STIMATE: variants seen among roughly 807,000 people sequenced by gnomAD.
STIMATE encodes the protein store-operated calcium entry regulator STIMATE.
STIMATE carries 15 observed loss-of-function variants against 36.7 expected under a neutral mutation model. The observed-to-expected ratio is 0.41, with a 90% confidence interval of 0.27 to 0.63. The LOEUF (loss-of-function observed/expected upper bound fraction) is 0.63. Among genes scored for constraint, STIMATE ranks in the 20% least tolerant of loss-of-function variants. The probability of loss-of-function intolerance (pLI) is 0.32; values close to 1 mark genes in which losing one functional copy is unlikely to be tolerated. For missense variants in STIMATE, 305 were observed against 397.3 expected (o/e 0.77, Z 1.98); for synonymous variants, 163 against 162.3 (o/e 1.00, Z -0.03).
intron 3 of STIMATE, among the ~76,000 whole-genome samples, chr3:52,852,011 A>C (rs571815652): frequency 4.8e-4 from 73 of 152,356 alleles, no homozygotes; most frequent in African/African-American, 1.6e-3. Flanking sequence ...GGGAGGCAGA[A>C]GATGGGGCCA....
At chr3:52,859,361 A>G (rs1197477182) in intron 1 of STIMATE, among the ~76,000 whole-genome samples, 2 of 149,660 alleles carry the variant, frequency 1.3e-5, no homozygotes, top group East Asian at 3.9e-4. Flanking sequence ...AGAAGAATAC[A>G]TAAGTGACTA....
In STIMATE at chr3:52,849,967, C is replaced by T. The variant is rs561530614; in HGVS notation, c.306-54G>A. 2.9e-4 allele frequency: 455 copies of T among 1,579,268 alleles called. 18 individuals carry two copies. The South Asian group carries it at 4.9e-3, about 17-fold the overall frequency. On this transcript the variant is annotated intron_variant, in intron 3 of 7. Coordinates refer to ENST00000355083, the MANE Select transcript of STIMATE (RefSeq NM_198563.5). Reference sequence around the variant, plus strand: ...CGGCAGAAGCCACGGGGCCAGAGGTCATGGCTGATGCAGGGTGGCCTGAGG... The same window carrying T: ...CGGCAGAAGCCACGGGGCCAGAGGTTATGGCTGATGCAGGGTGGCCTGAGG...
At chr3:52,843,111 G>T in intron 6 of STIMATE, 151 bp from the exon 7 acceptor site, 2 of 1,361,700 alleles carry the variant, frequency 1.5e-6, no homozygotes, top group Non-Finnish European at 2.0e-6. Flanking sequence ...CTCTCCCAAA[G>T]CTTAGAAAGA....
chr3:52,887,201 G>GAACA (rs540905112), intron 1 of STIMATE, among the ~76,000 whole-genome samples: 153 of 152,338 alleles, frequency 1.0e-3, no homozygotes, highest in South Asian at 5.2e-3. Flanking sequence ...TTACATAAAA[G>GAACA]AACACCTGTG....
At chr3:52,858,066 G>A (rs1701140184) in intron 1 of STIMATE, among the ~76,000 whole-genome samples, 1 of 152,150 alleles carries the variant, frequency 6.6e-6, no homozygotes, top group Non-Finnish European at 1.5e-5. Flanking sequence ...GGCCTTGGAG[G>A]AAATCCAACC....
chr3:52,894,139 C>T (rs1416299128), intron 1 of STIMATE, among the ~76,000 whole-genome samples: 3 of 152,324 alleles, frequency 2.0e-5, no homozygotes, highest in Non-Finnish European at 2.9e-5. Flanking sequence ...TCGTTTAAAG[C>T]GTTTCTTTCT....
intron 1 of STIMATE, among the ~76,000 whole-genome samples, chr3:52,871,802 T>C (rs573658148): frequency 6.6e-6 from 1 of 152,232 alleles, no homozygotes; most frequent in South Asian, 2.1e-4. Flanking sequence ...ATTTACTTCA[T>C]GTAAACAATA....
chr3:52,891,548 T>C (rs1701782710), intron 1 of STIMATE, among the ~76,000 whole-genome samples: 1 of 152,218 alleles, frequency 6.6e-6, no homozygotes, highest in Admixed American at 6.5e-5. Context: ...ATGAGGGCCC[T>C]GCCGGTAAAA....
At chr3:52,897,116 C>A (rs991790942) in intron 1 of STIMATE, among the ~76,000 whole-genome samples, 175 bp downstream of exon 1, 3 of 152,120 alleles carry the variant, frequency 2.0e-5, no homozygotes, top group Non-Finnish European at 4.4e-5. Context: ...GAGGCCACAG[C>A]GAGTAGGTGA....
At chr3:52,865,900 G>A (rs1221967931) in intron 1 of STIMATE, among the ~76,000 whole-genome samples, 1 of 148,288 alleles carries the variant, frequency 6.7e-6, no homozygotes, top group African/African-American at 2.5e-5. Flanking sequence ...GTGTGTGTAG[G>A]GGCGGTGGGG....
chr3:52,870,193 G>A (rs1233759384), intron 1 of STIMATE, among the ~76,000 whole-genome samples: 1 of 152,138 alleles, frequency 6.6e-6, no homozygotes, highest in Admixed American at 6.5e-5. Context: ...CCTGACCTCA[G>A]GTGATCCACC....
At chr3:52,853,236 G>A (rs144187260) in intron 2 of STIMATE, among the ~76,000 whole-genome samples, 8 of 152,272 alleles carry the variant, frequency 5.3e-5, no homozygotes, top group East Asian at 1.9e-4. Context: ...CAGCCCTGCC[G>A]CTAGAGAATG....
At chr3:52,855,531 A>G (rs1701077855) in intron 1 of STIMATE, 87 bp from the exon 2 acceptor site, 1 of 1,581,774 alleles carries the variant, frequency 6.3e-7, no homozygotes, top group East Asian at 2.3e-5. Flanking sequence ...CAGTCTACTC[A>G]CTGTGTGTAT....
At chr3:52,875,666 G>A (rs1024617963) in intron 1 of STIMATE, among the ~76,000 whole-genome samples, 3 of 152,206 alleles carry the variant, frequency 2.0e-5, no homozygotes, top group Admixed American at 6.5e-5. Context: ...AGGTCCACCT[G>A]TCAAGAGTTA....
intron 1 of STIMATE, among the ~76,000 whole-genome samples, chr3:52,879,237 G>A (rs1701561916): frequency 1.3e-5 from 2 of 152,146 alleles, no homozygotes; most frequent in Non-Finnish European, 2.9e-5. Flanking sequence ...AAACAACAGA[G>A]CTCATGTCCT....
intron 1 of STIMATE, among the ~76,000 whole-genome samples, chr3:52,889,198 G>A (rs1186556235): frequency 6.6e-6 from 1 of 152,208 alleles, no homozygotes; most frequent in African/African-American, 2.4e-5. Context: ...CTATCCTGCC[G>A]TAGTAGGTAC....
chr3:52,890,726 TTAA>T (rs1299871011), intron 1 of STIMATE, among the ~76,000 whole-genome samples: 10 of 152,252 alleles, frequency 6.6e-5, no homozygotes, highest in African/African-American at 2.4e-4. Flanking sequence ...CTCAAGATTA[TTAA>T]TGACCTTCCT....
intron 1 of STIMATE, among the ~76,000 whole-genome samples, chr3:52,888,047 A>G (rs1276950313): frequency 3.4e-5 from 4 of 116,482 alleles, no homozygotes; most frequent in Non-Finnish European, 6.7e-5. Context: ...GGTTTCTCAA[A>G]GAAATCTGAA....
intron 5 of STIMATE, 105 bp from the exon 6 acceptor site, chr3:52,843,903 G>A (rs776467539): frequency 1.6e-5 from 23 of 1,481,826 alleles, no homozygotes; most frequent in African/African-American, 2.8e-5. Flanking sequence ...AGCTTAAGAC[G>A]CTTCCTCCAA....
Sources: allele counts gnomAD v4.1 joint callset (sites outside exome capture counted in the v4.1 genomes callset), GRCh38; gene constraint gnomAD v4.1.1; transcripts MANE v1.5; gene names NCBI Gene and HGNC (gene_info 2026-07-23, HGNC 2026-07-21).